Variants in EFNA5 observed in about 807,000 individuals in gnomAD.
EFNA5 encodes ephrin-A5.
A neutral mutation model predicts 22.9 loss-of-function variants in EFNA5; 5 were observed. The ratio of observed to expected loss-of-function variants is 0.22; its 90% CI spans 0.11 to 0.46. The LOEUF (loss-of-function observed/expected upper bound fraction) is 0.46. Among genes scored for constraint, EFNA5 ranks in the 20% least tolerant of loss-of-function variants. The pLI is 0.99. For missense variants in EFNA5, 237 were observed against 293.3 expected (o/e 0.81, Z 1.40); for synonymous variants, 113 against 112.2 (o/e 1.01, Z -0.04).
chr5:107,532,998 G>A (rs571303332), intron 1 of EFNA5, among the ~76,000 whole-genome samples: 1 of 152,158 alleles, frequency 6.6e-6, no homozygotes, highest in Non-Finnish European at 1.5e-5. Flanking sequence ...ACAGCTCACG[G>A]CAGCTAAAGA....
intron 2 of EFNA5, among the ~76,000 whole-genome samples, chr5:107,416,581 C>T (rs567163356): frequency 6.6e-6 from 1 of 152,254 alleles, no homozygotes; most frequent in East Asian, 1.9e-4. Flanking sequence ...GCAATATATG[C>T]TAAATCACTC....
At chr5:107,664,258 T>A (rs553995847) in intron 1 of EFNA5, among the ~76,000 whole-genome samples, 45 of 152,286 alleles carry the variant, frequency 3.0e-4, no homozygotes, top group African/African-American at 8.9e-4. Context: ...CTCAAGATCA[T>A]GCAAAATAGT....
chr5:107,549,231 G>A (rs777222277), intron 1 of EFNA5, among the ~76,000 whole-genome samples: 5 of 151,904 alleles, frequency 3.3e-5, no homozygotes, highest in Non-Finnish European at 5.9e-5. Context: ...TTTTTCTTTC[G>A]GATTAACAAT....
chr5:107,618,227 T>C (rs752815726), intron 1 of EFNA5, among the ~76,000 whole-genome samples: 1 of 152,184 alleles, frequency 6.6e-6, no homozygotes, highest in East Asian at 1.9e-4. Flanking sequence ...AGAAGAAATA[T>C]TTGAGGCTTT....
intron 1 of EFNA5, among the ~76,000 whole-genome samples, chr5:107,584,732 A>G (rs1749140391): frequency 6.6e-6 from 1 of 152,196 alleles, no homozygotes; most frequent in Non-Finnish European, 1.5e-5. Context: ...CTTGCTAGCC[A>G]TGGGACTTTG....
chr5:107,564,309 A>C (rs543133668), intron 1 of EFNA5, among the ~76,000 whole-genome samples: 1 of 152,238 alleles, frequency 6.6e-6, no homozygotes, highest in East Asian at 1.9e-4. Flanking sequence ...TCCATTCTGC[A>C]TTTTCAAAAT....
chr5:107,585,964 G>A (rs1475326434), intron 1 of EFNA5, among the ~76,000 whole-genome samples: 1 of 152,120 alleles, frequency 6.6e-6, no homozygotes, highest in African/African-American at 2.4e-5. Context: ...CTGCTGAAAT[G>A]AAGACTACTA....
At chr5:107,470,257 G>A (rs933840502) in intron 1 of EFNA5, among the ~76,000 whole-genome samples, 5 of 152,182 alleles carry the variant, frequency 3.3e-5, no homozygotes, top group Admixed American at 1.3e-4. Context: ...CTAACTTGCT[G>A]CTTCTGGGGC....
At chr5:107,398,738 C>G (rs1055542180) in intron 2 of EFNA5, among the ~76,000 whole-genome samples, 2 of 150,636 alleles carry the variant, frequency 1.3e-5, no homozygotes, top group Admixed American at 6.6e-5. Flanking sequence ...ACCTATGTTC[C>G]CAGCAACTTG....
At chr5:107,527,425 T>C (rs933694891) in intron 1 of EFNA5, among the ~76,000 whole-genome samples, 2 of 152,238 alleles carry the variant, frequency 1.3e-5, no homozygotes, top group East Asian at 1.9e-4. Flanking sequence ...TAGCTCGGAC[T>C]ACAGGCATAT....
chr5:107,480,030 AT>A (rs1361005006), intron 1 of EFNA5, among the ~76,000 whole-genome samples: 1 of 152,248 alleles, frequency 6.6e-6, no homozygotes, highest in Non-Finnish European at 1.5e-5. Flanking sequence ...TACTGATTTA[AT>A]TCTACAATGT....
chr5:107,598,214 G>C (rs1231882473), intron 1 of EFNA5, among the ~76,000 whole-genome samples: 4 of 152,104 alleles, frequency 2.6e-5, no homozygotes, highest in Non-Finnish European at 5.9e-5. Context: ...AAGAGGAAAA[G>C]ACACAGTGTT....
At chr5:107,670,357 T>A (rs1751164857) in intron 1 of EFNA5, 132 bp downstream of exon 1, 2 of 1,236,902 alleles carry the variant, frequency 1.6e-6, no homozygotes, top group Non-Finnish European at 2.1e-6. Context: ...CCTCAAGCCA[T>A]CAGCGCCCGG....
intron 1 of EFNA5, among the ~76,000 whole-genome samples, chr5:107,645,882 C>T (rs1750625365): frequency 6.6e-6 from 1 of 152,146 alleles, no homozygotes; most frequent in Non-Finnish European, 1.5e-5. Flanking sequence ...ACCACATATT[C>T]CCTGTGGCCT....
chr5:107,476,057 T>TATATATATATATATATATATATATG, intron 1 of EFNA5, among the ~76,000 whole-genome samples: 1 of 100,430 alleles, frequency 1.0e-5, no homozygotes, highest in South Asian at 3.1e-4. Context: ...TATATATATA[T>TATATATATATATATATATATATATG]TTTTTTTTTT....
intron 1 of EFNA5, among the ~76,000 whole-genome samples, chr5:107,430,766 CTTTCT>C (rs1312293965): frequency 1.7e-5 from 2 of 117,412 alleles, no homozygotes; most frequent in East Asian, 4.2e-4. Context: ...ATTATTATTT[CTTTCT>C]TTCTTTTTTT....
chr5:107,634,084 G>A (rs1750319121), intron 1 of EFNA5, among the ~76,000 whole-genome samples: 1 of 152,230 alleles, frequency 6.6e-6, no homozygotes, highest in South Asian at 2.1e-4. Context: ...TAATGGTAAA[G>A]TGTAATTGGG....
chr5:107,522,324 T>A (rs900538075), intron 1 of EFNA5, among the ~76,000 whole-genome samples: 7 of 152,192 alleles, frequency 4.6e-5, no homozygotes, highest in African/African-American at 7.2e-5. Flanking sequence ...ATCCATGGGG[T>A]CACCCAGGAC....
At chr5:107,536,745 C>A (rs1747936345) in intron 1 of EFNA5, among the ~76,000 whole-genome samples, 1 of 152,094 alleles carries the variant, frequency 6.6e-6, no homozygotes, top group Non-Finnish European at 1.5e-5. Flanking sequence ...ATTCAAAACA[C>A]AATTTACAGT....
Sources: gnomAD v4.1 joint callset for allele counts (sites outside exome capture counted in the v4.1 genomes callset) on GRCh38, gnomAD v4.1.1 for gene constraint, MANE v1.5 for transcripts, NCBI Gene and HGNC (gene_info 2026-07-23, HGNC 2026-07-21) for gene names.